FRMD4A: variants seen among roughly 807,000 people sequenced by gnomAD.
FRMD4A encodes FERM domain-containing protein 4A.
In FRMD4A, 29 loss-of-function variants were observed where a neutral mutation model predicts 129.1. The observed-to-expected ratio is 0.22, with a 90% CI of 0.17 to 0.31. The LOEUF (loss-of-function observed/expected upper bound fraction) is 0.31. FRMD4A is among the 10% of genes least tolerant of loss of function. The pLI is 1.00. For synonymous variants in FRMD4A, 634 were observed against 571.6 expected (o/e 1.11, Z -1.56); for missense variants, 1,272 against 1,375.8 (o/e 0.92, Z 1.19).
At chr10:13,924,055 G>C (rs1351691026) in intron 2 of FRMD4A, among the ~76,000 whole-genome samples, 1 of 152,226 alleles carries the variant, frequency 6.6e-6, no homozygotes, top group Non-Finnish European at 1.5e-5. Context: ...CTGCAATTCA[G>C]CTGCGCATCT....
At chr10:13,979,333 A>C (rs761309310) in intron 2 of FRMD4A, among the ~76,000 whole-genome samples, 1 of 152,182 alleles carries the variant, frequency 6.6e-6, no homozygotes. Flanking sequence ...CCCAGAGAGA[A>C]GGGCAGGTGG....
intron 15 of FRMD4A, chr10:13,692,690 A>G (rs903423041): frequency 1.3e-5 from 2 of 152,190 alleles, no homozygotes; most frequent in African/African-American, 4.8e-5. Context: ...CCAGCCCACA[A>G]GCTAACGAGA....
At chr10:14,055,462 A>AAACACACACACACACACAC (rs1834476848) in intron 2 of FRMD4A, among the ~76,000 whole-genome samples, 3 of 77,430 alleles carry the variant, frequency 3.9e-5, no homozygotes, top group African/African-American at 1.7e-4. Flanking sequence ...CACACACACA[A>AAACACACACACACACACAC]ACACACACAC....
chr10:13,959,186 G>C (rs753202271), intron 2 of FRMD4A, among the ~76,000 whole-genome samples: 2 of 152,120 alleles, frequency 1.3e-5, no homozygotes, highest in Non-Finnish European at 2.9e-5. Flanking sequence ...CAAAAGCTGT[G>C]AGTGGGCTAG....
At chr10:14,224,474 CAGAA>C (rs1354352296) in intron 2 of FRMD4A, among the ~76,000 whole-genome samples, 1 of 152,174 alleles carries the variant, frequency 6.6e-6, no homozygotes, top group Non-Finnish European at 1.5e-5. Context: ...TCATACTGGG[CAGAA>C]AGACTTTGGT....
intron 15 of FRMD4A, among the ~76,000 whole-genome samples, chr10:13,691,548 C>T (rs1469318068): frequency 1.3e-5 from 2 of 152,138 alleles, no homozygotes; most frequent in East Asian, 1.9e-4. Flanking sequence ...CCAATTAAAG[C>T]GACTAGACCA....
At chr10:14,258,705 G>T (rs1344563873) in intron 2 of FRMD4A, among the ~76,000 whole-genome samples, 1 of 152,158 alleles carries the variant, frequency 6.6e-6, no homozygotes, top group Non-Finnish European at 1.5e-5. Flanking sequence ...TTCACACAAA[G>T]ACTTGAGCAG....
intron 6 of FRMD4A, among the ~76,000 whole-genome samples, chr10:13,779,054 C>T (rs1481124547): frequency 6.6e-6 from 1 of 152,142 alleles, no homozygotes; most frequent in Non-Finnish European, 1.5e-5. Context: ...TGTGGTGGCT[C>T]ATGCCTGTAA....
At chr10:13,885,697 A>G (rs950331151) in intron 2 of FRMD4A, among the ~76,000 whole-genome samples, 8 of 152,104 alleles carry the variant, frequency 5.3e-5, no homozygotes, top group African/African-American at 1.9e-4. Flanking sequence ...AGCCCTTGCT[A>G]ACAGTAGCCC....
chr10:13,725,779 C>A (rs1448587888), intron 12 of FRMD4A, among the ~76,000 whole-genome samples: 1 of 152,188 alleles, frequency 6.6e-6, no homozygotes, highest in Admixed American at 6.5e-5. Flanking sequence ...CTTTTCGAGG[C>A]CATCCCACCT....
intron 2 of FRMD4A, among the ~76,000 whole-genome samples, chr10:14,070,844 G>A (rs1835284677): frequency 2.0e-5 from 3 of 152,126 alleles, no homozygotes; most frequent in Non-Finnish European, 4.4e-5. Context: ...TGGGGAGAAA[G>A]GTATATTTAA....
intron 2 of FRMD4A, among the ~76,000 whole-genome samples, chr10:13,867,290 A>C (rs2094379677): frequency 6.6e-6 from 1 of 151,654 alleles, no homozygotes; most frequent in African/African-American, 2.4e-5. Flanking sequence ...ACAGGGTCTC[A>C]CTCCGTGGTC....
chr10:13,946,451 T>A (rs1315358065), intron 2 of FRMD4A, among the ~76,000 whole-genome samples: 3 of 152,220 alleles, frequency 2.0e-5, no homozygotes, highest in Admixed American at 6.5e-5. Context: ...TCATCGTCAC[T>A]TGTTTATTTA....
intron 2 of FRMD4A, among the ~76,000 whole-genome samples, chr10:14,047,674 G>A (rs1213810199): frequency 6.6e-6 from 1 of 152,188 alleles, no homozygotes; most frequent in East Asian, 1.9e-4. Flanking sequence ...AGACTGAAAA[G>A]TGAAACTTCA....
chr10:13,777,801 T>C (rs956578395), intron 6 of FRMD4A, among the ~76,000 whole-genome samples: 5 of 140,198 alleles, frequency 3.6e-5, no homozygotes, highest in African/African-American at 1.3e-4. Context: ...ATTTTTTTTT[T>C]TTTTTTTTTT....
At chr10:13,656,581 C>A in intron 22 of FRMD4A, 55 bp downstream of exon 22, 1 of 1,336,806 alleles carries the variant, frequency 7.5e-7, no homozygotes, top group South Asian at 2.2e-5. Context: ...CCCTTGACAC[C>A]GGCAAGCAGT....
intron 4 of FRMD4A, among the ~76,000 whole-genome samples, chr10:13,809,825 C>A (rs886109113): frequency 6.6e-6 from 1 of 152,226 alleles, no homozygotes; most frequent in African/African-American, 2.4e-5. Context: ...TGTTCAGTGT[C>A]TCAATTTGGA....
In FRMD4A at chr10:14,131,321, G is replaced by A. The variant is rs374803924; in HGVS notation, c.45+198737C>T. On this transcript the variant is annotated intron_variant, in intron 2 of 24. Transcript: ENST00000357447. ...TTCATTTGTTGAGGGAGGAACTCTA[G>A]AATGAACAGAAGATGGCAGAGTAGA... 1.1e-4 allele frequency among the ~76,000 whole-genome samples: 17 copies of A among 152,248 alleles called. No individual in the cohort carries two copies. In the East Asian group the frequency reaches 2.3e-3, roughly 21 times the overall value.
chr10:14,204,273 A>T (rs1242786495), intron 2 of FRMD4A, among the ~76,000 whole-genome samples: 1 of 152,060 alleles, frequency 6.6e-6, no homozygotes, highest in African/African-American at 2.4e-5. Context: ...ATAAAAAAAT[A>T]CAAAAATTAG....
Sources: allele counts gnomAD v4.1 joint callset (sites outside exome capture counted in the v4.1 genomes callset), GRCh38; gene constraint gnomAD v4.1.1; transcripts MANE v1.5; gene names NCBI Gene and HGNC (gene_info 2026-07-23, HGNC 2026-07-21).